The following PTPRD variants were observed in gnomAD, a reference collection of about 807,000 sequenced individuals.
PTPRD encodes protein tyrosine phosphatase receptor type D.
Under a neutral mutation model 214.5 loss-of-function variants are expected in PTPRD, and 34 were observed. The observed-to-expected ratio is 0.16, with a 90% confidence interval of 0.12 to 0.21. PTPRD has a LOEUF of 0.21. Among genes scored for constraint, PTPRD ranks in the 10% least tolerant of loss-of-function variants. The probability of loss-of-function intolerance (pLI) is 1.00; values close to 1 mark genes in which losing one functional copy is unlikely to be tolerated. For missense variants in PTPRD, 2,545 were observed against 2,398.7 expected (o/e 1.06, Z -1.27); for synonymous variants, 1,128 against 845.7 (o/e 1.33, Z -5.79).
chr9:9,487,743 T>C (rs910589420), intron 8 of PTPRD, among the ~76,000 whole-genome samples: 3 of 152,192 alleles, frequency 2.0e-5, no homozygotes, highest in Non-Finnish European at 2.9e-5. Flanking sequence ...GCTCTTGATA[T>C]AGACTTTGAT....
chr9:9,527,864 G>C (rs2074499460), intron 8 of PTPRD, among the ~76,000 whole-genome samples: 1 of 152,160 alleles, frequency 6.6e-6, no homozygotes, highest in South Asian at 2.1e-4. Context: ...TGTTAGATCA[G>C]AAAACTTCTG....
intron 5 of PTPRD, among the ~76,000 whole-genome samples, chr9:9,818,683 C>T (rs766850197): frequency 1.8e-4 from 27 of 151,738 alleles, no homozygotes; most frequent in African/African-American, 3.4e-4. Context: ...TTTGGGAGGC[C>T]GAGATGGGTG....
chr9:10,510,247 G>A (rs1347423947), intron 2 of PTPRD, among the ~76,000 whole-genome samples: 1 of 152,106 alleles, frequency 6.6e-6, no homozygotes, highest in Middle Eastern at 3.4e-3. Flanking sequence ...TGTTAATACA[G>A]TTAGAATCGT....
chr9:9,777,960 A>T (rs2761717), intron 5 of PTPRD, among the ~76,000 whole-genome samples: 67,663 of 151,976 alleles, frequency 0.45, 15,571 homozygotes, highest in East Asian at 0.7. Flanking sequence ...CTAGAAAAGC[A>T]TGGACAAAGA....
chr9:9,265,535 A>G (rs2132403656), intron 9 of PTPRD, among the ~76,000 whole-genome samples: 1 of 151,658 alleles, frequency 6.6e-6, no homozygotes, highest in Non-Finnish European at 1.5e-5. Context: ...CTAGTATTAA[A>G]CACATATGCA....
At chr9:8,425,449 T>C (rs2094598305) in intron 35 of PTPRD, among the ~76,000 whole-genome samples, 1 of 108,508 alleles carries the variant, frequency 9.2e-6, no homozygotes, top group Non-Finnish European at 1.9e-5. Flanking sequence ...AGCATGACCC[T>C]GAGCTGCAAT....
At chr9:9,640,076 G>C (rs1283153945) in intron 7 of PTPRD, among the ~76,000 whole-genome samples, 1 of 152,130 alleles carries the variant, frequency 6.6e-6, no homozygotes, top group African/African-American at 2.4e-5. Context: ...TCATCTTAGA[G>C]ACCCATACCG....
At chr9:10,118,454 C>G (rs972335597) in intron 3 of PTPRD, among the ~76,000 whole-genome samples, 1 of 151,554 alleles carries the variant, frequency 6.6e-6, no homozygotes, top group East Asian at 1.9e-4. Context: ...AATAAAATAA[C>G]AAGCCCCAAA....
intron 35 of PTPRD, among the ~76,000 whole-genome samples, chr9:8,425,760 A>G (rs1457326412): frequency 6.6e-6 from 1 of 152,144 alleles, no homozygotes; most frequent in Non-Finnish European, 1.5e-5. Flanking sequence ...TGTTAAACAG[A>G]TGAAGGCATT....
At chr9:9,046,424 G>A (rs968342192) in intron 10 of PTPRD, among the ~76,000 whole-genome samples, 1 of 152,106 alleles carries the variant, frequency 6.6e-6, no homozygotes, top group African/African-American at 2.4e-5. Flanking sequence ...CTGTTATCGT[G>A]AACTGAATAA....
chr9:9,965,948 T>C (rs896836531), intron 4 of PTPRD, among the ~76,000 whole-genome samples: 1 of 152,240 alleles, frequency 6.6e-6, no homozygotes. Flanking sequence ...ATTGCATGTA[T>C]GCATGCTCTC....
chr9:10,210,817 ATATATG>A (rs1250247997), intron 3 of PTPRD, among the ~76,000 whole-genome samples: 8 of 84,916 alleles, frequency 9.4e-5, no homozygotes, highest in African/African-American at 2.4e-4. Flanking sequence ...ATATATATAT[ATATATG>A]TATGTATGTA....
intron 8 of PTPRD, among the ~76,000 whole-genome samples, chr9:9,571,738 CAA>C (rs1402315726): frequency 6.6e-6 from 1 of 150,606 alleles, no homozygotes; most frequent in Non-Finnish European, 1.5e-5. Flanking sequence ...ATTGATTTAA[CAA>C]AATACTACAT....
At chr9:9,933,943 T>C (rs533692017) in intron 5 of PTPRD, among the ~76,000 whole-genome samples, 2 of 144,356 alleles carry the variant, frequency 1.4e-5, no homozygotes, top group African/African-American at 2.8e-5. Flanking sequence ...GCTGCTCAAC[T>C]ACATGGAAAC....
chr9:10,402,889 C>G (rs868281407), intron 2 of PTPRD, among the ~76,000 whole-genome samples: 15 of 151,452 alleles, frequency 9.9e-5, no homozygotes, highest in African/African-American at 2.9e-4. Flanking sequence ...AGGCTTTAGA[C>G]ATTTATTACA....
intron 35 of PTPRD, among the ~76,000 whole-genome samples, chr9:8,406,707 C>G (rs181570914): frequency 3.3e-5 from 5 of 152,270 alleles, no homozygotes; most frequent in Admixed American, 6.5e-5. Flanking sequence ...CTCTATATAA[C>G]ATGAGAGTTA....
chr9:8,749,919 T>C (rs2093345540), intron 11 of PTPRD, among the ~76,000 whole-genome samples: 1 of 151,830 alleles, frequency 6.6e-6, no homozygotes, highest in African/African-American at 2.4e-5. Flanking sequence ...CTGGCCAACA[T>C]GGTGAAACCC....
intron 9 of PTPRD, among the ~76,000 whole-genome samples, chr9:9,335,667 T>A (rs957579493): frequency 6.6e-6 from 1 of 152,124 alleles, no homozygotes; most frequent in African/African-American, 2.4e-5. Context: ...CACATATTCA[T>A]TGTTTCTTTC....
intron 8 of PTPRD, among the ~76,000 whole-genome samples, chr9:9,474,783 G>T (rs915131749): frequency 1.3e-5 from 2 of 151,706 alleles, no homozygotes; most frequent in Admixed American, 6.6e-5. Context: ...TGTTAATTTT[G>T]TATCTTGCAA....
Sources: gnomAD v4.1 joint callset for allele counts (sites outside exome capture counted in the v4.1 genomes callset) on GRCh38, gnomAD v4.1.1 for gene constraint, MANE v1.5 for transcripts, NCBI Gene and HGNC (gene_info 2026-07-23, HGNC 2026-07-21) for gene names.